Variants in KAT14 observed in about 807,000 individuals in gnomAD.
The protein encoded by KAT14 is cysteine-rich protein 2-binding protein.
In KAT14, 66 loss-of-function variants were observed where a neutral mutation model predicts 78.4. The observed-to-expected ratio is 0.84, with a 90% CI of 0.69 to 1.03. The LOEUF is 1.03. Ranked by LOEUF, KAT14 falls within the 50% of genes least tolerant of loss-of-function variation. The pLI is 0.00. For synonymous variants in KAT14, 344 were observed against 359.4 expected (o/e 0.96, Z 0.48); for missense variants, 870 against 972.5 (o/e 0.89, Z 1.40).
chr20:18,164,923 A>G (rs528075773), intron 7 of KAT14, among the ~76,000 whole-genome samples: 3 of 152,266 alleles, frequency 2.0e-5, no homozygotes, highest in South Asian at 2.1e-4. Context: ...CGCCTGGCCA[A>G]TATTCACCTG....
intron 1 of KAT14, 137 bp downstream of exon 1, chr20:18,138,188 C>T: frequency 1.6e-6 from 2 of 1,266,522 alleles, no homozygotes; most frequent in Non-Finnish European, 2.0e-6. Context: ...GCACCCCACG[C>T]GTTTGCGGCT....
chr20:18,138,820 C>T (rs924051672), intron 1 of KAT14, among the ~76,000 whole-genome samples: 12 of 152,054 alleles, frequency 7.9e-5, no homozygotes, highest in Admixed American at 5.2e-4. Flanking sequence ...TGGGTGATTA[C>T]TGTGTGGAAG....
chr20:18,178,107 CA>C (rs60187771), intron 7 of KAT14, among the ~76,000 whole-genome samples: 1 of 144,814 alleles, frequency 6.9e-6, no homozygotes, highest in Non-Finnish European at 1.5e-5. Context: ...GACTCTATCT[CA>C]AAAAAAAAAC....
At chr20:18,148,603 A>ATTTTTTTTTTTTTT (rs978610988) in intron 3 of KAT14, among the ~76,000 whole-genome samples, 1 of 142,870 alleles carries the variant, frequency 7.0e-6, no homozygotes. Context: ...ACTGGGGTTC[A>ATTTTTTTTTTTTTT]TTTTTTTTTG....
chr20:18,139,827 G>A (rs1306120172), intron 1 of KAT14, among the ~76,000 whole-genome samples: 2 of 152,110 alleles, frequency 1.3e-5, no homozygotes, highest in Non-Finnish European at 2.9e-5. Context: ...ATTCCTGACC[G>A]TCTACCACAT....
rs969609952 is a variant in KAT14 at position 18,161,174 on chromosome 20, C to CA, written c.683-635dup. Among the ~76,000 whole-genome samples, 145 of 129,826 alleles carry CA rather than the reference C, an allele frequency of 1.1e-3. 1 individual carries two copies. The highest frequency in any genetic ancestry group is 1.7e-3 in the South Asian group (7 of 4,084). The allele number at this position is 129,826 out of a possible 152,430, so 85.2% of individuals were successfully genotyped here. Reference sequence around the variant, plus strand: ...TGGGTGACAGAGCAAGACCCTGTCTCAAAAAAAAAAAAAAGTACCCATTGA... The same window carrying CA: ...TGGGTGACAGAGCAAGACCCTGTCTCAAAAAAAAAAAAAAAGTACCCATTGA... On this transcript the variant is annotated intron_variant, in intron 5 of 10. Transcript: ENST00000688188.
chr20:18,144,188 TAAC>T (rs1344172009), intron 2 of KAT14, among the ~76,000 whole-genome samples: 2 of 152,266 alleles, frequency 1.3e-5, no homozygotes, highest in South Asian at 2.1e-4. Flanking sequence ...TAGTCACTGT[TAAC>T]AAATTAATAG....
chr20:18,139,633 C>CGTGTGTGTGTGTGTGTGT (rs71194228), intron 1 of KAT14, among the ~76,000 whole-genome samples: 62 of 141,714 alleles, frequency 4.4e-4, no homozygotes, highest in East Asian at 3.0e-3. Context: ...ACCAAAATAA[C>CGTGTGTGTGTGTGTGTGT]GTGTGTGTGT....
At chr20:18,183,858 A>G (rs2039354372) in intron 9 of KAT14, among the ~76,000 whole-genome samples, 1 of 152,220 alleles carries the variant, frequency 6.6e-6, no homozygotes, top group Non-Finnish European at 1.5e-5. Context: ...AATATAAACT[A>G]TTCTTTGTGG....
chr20:18,152,802 G>A (rs1205226), intron 4 of KAT14, among the ~76,000 whole-genome samples: 149,725 of 152,360 alleles, frequency 0.98, 73,572 homozygotes, highest in East Asian at 1. Context: ...ACATCTGCAT[G>A]TGGCTTGTTC....
At chr20:18,172,429 C>T (rs1347327135) in intron 7 of KAT14, among the ~76,000 whole-genome samples, 1 of 148,810 alleles carries the variant, frequency 6.7e-6, no homozygotes. Context: ...GACAGTGTCT[C>T]GCTGTCACCC....
At chr20:18,138,132 T>G in intron 1 of KAT14, 81 bp downstream of exon 1, 2 of 1,369,732 alleles carry the variant, frequency 1.5e-6, no homozygotes, top group Non-Finnish European at 1.9e-6. Context: ...GCCCGCTCGG[T>G]TCCTCAGCTC....
At chr20:18,174,372 C>CTT (rs1237013054) in intron 7 of KAT14, among the ~76,000 whole-genome samples, 1 of 151,960 alleles carries the variant, frequency 6.6e-6, no homozygotes, top group African/African-American at 2.4e-5. Context: ...CTGTGTTTAA[C>CTT]TTTTTGAAGG....
At chr20:18,169,619 C>A (rs1427742653) in intron 7 of KAT14, among the ~76,000 whole-genome samples, 1 of 152,168 alleles carries the variant, frequency 6.6e-6, no homozygotes, top group Non-Finnish European at 1.5e-5. Flanking sequence ...CCTTGGGGCT[C>A]CCTGTTCCCT....
intron 7 of KAT14, among the ~76,000 whole-genome samples, chr20:18,170,107 C>T (rs889669014): frequency 2.0e-5 from 3 of 152,202 alleles, no homozygotes; most frequent in African/African-American, 7.2e-5. Context: ...CTCTATAACA[C>T]AAAAGAGTGC....
At chr20:18,171,727 G>A (rs6081018) in intron 7 of KAT14, among the ~76,000 whole-genome samples, 18,084 of 152,176 alleles carry the variant, frequency 0.12, 1,396 homozygotes, top group African/African-American at 0.22. Context: ...CAGGAGAATC[G>A]CTTGAACCTG....
chr20:18,161,156 CAG>C (rs1172517132), intron 5 of KAT14, among the ~76,000 whole-genome samples: 1 of 150,600 alleles, frequency 6.6e-6, no homozygotes, highest in African/African-American at 2.4e-5. Flanking sequence ...GCCTGGGTGA[CAG>C]AGCAAGACCC....
At chr20:18,175,529 G>A (rs1434613876) in intron 7 of KAT14, among the ~76,000 whole-genome samples, 3 of 152,002 alleles carry the variant, frequency 2.0e-5, no homozygotes, top group African/African-American at 7.3e-5. Flanking sequence ...TCCCAGCCTT[G>A]TGTTTTGCCT....
Position 18,145,224 on chromosome 20 carries a change from T to A in KAT14, c.260-9T>A. 6.2e-7 allele frequency: 1 copy of A among 1,613,432 alleles called. No individual in the cohort carries two copies. The highest frequency in any genetic ancestry group is 8.5e-7 in the Non-Finnish European group (1 of 1,179,848). On this transcript the variant is annotated splice_polypyrimidine_tract_variant and intron_variant, in intron 2 of 10. Coordinates refer to ENST00000688188, the MANE Select transcript of KAT14 (RefSeq NM_001392073.1). Reference sequence around the variant, plus strand: ...AAACCCATGATGTGACTTTTTGTTTTTCTCCTAGGTCAGCTGAGGGAACAG... The same window carrying A: ...AAACCCATGATGTGACTTTTTGTTTATCTCCTAGGTCAGCTGAGGGAACAG...
Sources: gnomAD v4.1 joint callset for allele counts (sites outside exome capture counted in the v4.1 genomes callset) on GRCh38, gnomAD v4.1.1 for gene constraint, MANE v1.5 for transcripts, NCBI Gene and HGNC (gene_info 2026-07-23, HGNC 2026-07-21) for gene names.